The following PRICKLE2 variants were observed in gnomAD, a reference collection of about 807,000 sequenced individuals.
PRICKLE2 encodes prickle-like protein 2.
PRICKLE2 carries 21 observed loss-of-function variants against 81.4 expected under a neutral mutation model. That is an observed-to-expected ratio of 0.26 (90% CI 0.18 to 0.37). The LOEUF (loss-of-function observed/expected upper bound fraction) is 0.37, where lower values mean the gene tolerates loss of function less well. Ranked by LOEUF, PRICKLE2 falls within the 10% of genes least tolerant of loss-of-function variation. The probability of loss-of-function intolerance (pLI) is 1.00; values close to 1 mark genes in which losing one functional copy is unlikely to be tolerated. For missense variants in PRICKLE2, 940 were observed against 1,109.0 expected (o/e 0.85, Z 2.16); for synonymous variants, 456 against 421.5 (o/e 1.08, Z -1.00).
Position 64,176,878 on chromosome 3 carries a change from C to T in PRICKLE2, c.145-13749G>A, listed in dbSNP as rs543618036. ...GAATTCAGTCTTTCCAGTTCCAAAA[C>T]GCCAAAAGATCAGTGAAGGTAATAT... On this transcript the variant is annotated intron_variant, in intron 2 of 7. Transcript: ENST00000638394. 2.0e-4 allele frequency among the ~76,000 whole-genome samples: 31 copies of T among 152,218 alleles called. No individual in the cohort carries two copies. The South Asian group carries it at 4.1e-3, about 20-fold the overall frequency.
At chr3:64,193,020 C>T (rs933810007) in intron 2 of PRICKLE2, among the ~76,000 whole-genome samples, 1 of 152,174 alleles carries the variant, frequency 6.6e-6, no homozygotes, top group African/African-American at 2.4e-5. Context: ...ACCCACAAGA[C>T]ATACCAGTTA....
chr3:64,105,925 A>G (rs76398904), intron 7 of PRICKLE2: 6 of 152,226 alleles, frequency 3.9e-5, no homozygotes, highest in African/African-American at 1.4e-4. Context: ...TGATGATTAG[A>G]TGAGGAAAAA....
At chr3:64,212,621 C>G (rs558280126) in intron 1 of PRICKLE2, among the ~76,000 whole-genome samples, 1 of 152,164 alleles carries the variant, frequency 6.6e-6, no homozygotes, top group Non-Finnish European at 1.5e-5. Context: ...TACTTAAAGG[C>G]AGTATACCAC....
intron 7 of PRICKLE2, among the ~76,000 whole-genome samples, chr3:64,103,850 C>T (rs1478003794): frequency 6.6e-6 from 1 of 151,906 alleles, no homozygotes; most frequent in East Asian, 1.9e-4. Context: ...CATGGTGGTG[C>T]GTGCCTGTAG....
At chr3:64,107,946 G>A (rs2076781839) in intron 7 of PRICKLE2, among the ~76,000 whole-genome samples, 3 of 152,146 alleles carry the variant, frequency 2.0e-5, no homozygotes, top group Non-Finnish European at 4.4e-5. Context: ...TTTCCTATAT[G>A]ATTTTTATTT....
At chr3:64,248,669 A>G (rs528787661) in intron 2 of PRICKLE2, among the ~76,000 whole-genome samples, 1 of 151,872 alleles carries the variant, frequency 6.6e-6, no homozygotes, top group Non-Finnish European at 1.5e-5. Context: ...AAAAAAACAA[A>G]ACAAAAAAAC....
At chr3:64,103,709 G>T (rs1049029531) in intron 7 of PRICKLE2, among the ~76,000 whole-genome samples, 4 of 152,350 alleles carry the variant, frequency 2.6e-5, no homozygotes, top group South Asian at 4.1e-4. Flanking sequence ...GCCAGGTGTG[G>T]TGGCTCATGC....
intron 7 of PRICKLE2, among the ~76,000 whole-genome samples, chr3:64,109,500 AG>A (rs2076809479): frequency 6.6e-6 from 1 of 151,774 alleles, no homozygotes; most frequent in Admixed American, 6.6e-5. Flanking sequence ...TGGTGCTACC[AG>A]GATCAGTGCT....
intron 2 of PRICKLE2, among the ~76,000 whole-genome samples, chr3:64,236,737 C>T (rs531168929): frequency 6.6e-6 from 1 of 152,336 alleles, no homozygotes; most frequent in Non-Finnish European, 1.5e-5. Context: ...ATGGCTCTTG[C>T]TGTCTGTGTG....
At chr3:64,173,628 G>T (rs1176824676) in intron 2 of PRICKLE2, among the ~76,000 whole-genome samples, 1 of 152,138 alleles carries the variant, frequency 6.6e-6, no homozygotes, top group Non-Finnish European at 1.5e-5. Context: ...AGTATCCTTG[G>T]CAAATTCTCT....
chr3:64,165,998 G>GTT (rs2077825684), intron 2 of PRICKLE2, among the ~76,000 whole-genome samples: 2 of 35,494 alleles, frequency 5.6e-5, no homozygotes, highest in African/African-American at 1.6e-4. Flanking sequence ...GTGTGTGTGT[G>GTT]TGTGTGTGTG....
chr3:64,222,644 C>A (rs2078973827), intron 1 of PRICKLE2, among the ~76,000 whole-genome samples: 1 of 152,134 alleles, frequency 6.6e-6, no homozygotes, highest in Non-Finnish European at 1.5e-5. Context: ...AGCAGCCAAC[C>A]CATAAGCTGA....
intron 2 of PRICKLE2, among the ~76,000 whole-genome samples, chr3:64,242,433 T>C (rs2079280379): frequency 6.6e-6 from 1 of 152,216 alleles, no homozygotes; most frequent in Admixed American, 6.5e-5. Flanking sequence ...CCACCCTGTC[T>C]ACCCTAGAAA....
chr3:64,233,018 T>C (rs887754454), intron 2 of PRICKLE2, among the ~76,000 whole-genome samples: 1 of 152,208 alleles, frequency 6.6e-6, no homozygotes, highest in African/African-American at 2.4e-5. Context: ...GCATTCATGA[T>C]ACAATGGCAG....
Position 64,159,937 on chromosome 3 carries a change from T to G in PRICKLE2, c.396+3A>C. 6.2e-7 allele frequency: 1 copy of G among 1,614,080 alleles called. No individual in the cohort carries two copies. The highest frequency in any genetic ancestry group is 8.5e-7 in the Non-Finnish European group (1 of 1,179,992). On this transcript the variant is annotated splice_donor_region_variant and intron_variant, in intron 4 of 7. Coordinates refer to ENST00000638394, the MANE Select transcript of PRICKLE2 (RefSeq NM_198859.4). ...CTCTTCACTCCCCTGAATCCATGCT[T>G]ACCTGTTCACAAATAGCTCCTGTCA... is the stretch of plus-strand genomic sequence containing the variant.
In PRICKLE2 at chr3:64,107,034, G is replaced by A. The variant is rs568952102; in HGVS notation, c.1661-7109C>T. On this transcript the variant is annotated intron_variant, in intron 7 of 7. Transcript: ENST00000638394. ...GCAGGCTTTATGAGAGGTGCTCAGG[G>A]TGATGATAGAGTTAAACGCAGTGAT... Among the ~76,000 whole-genome samples, 19 of 152,346 alleles carry A rather than the reference G, an allele frequency of 1.2e-4. No individual in the cohort carries two copies. The South Asian group carries it at 2.7e-3, about 22-fold the overall frequency.
intron 2 of PRICKLE2, among the ~76,000 whole-genome samples, chr3:64,177,851 A>G (rs1191742921): frequency 6.6e-6 from 1 of 152,154 alleles, no homozygotes; most frequent in Non-Finnish European, 1.5e-5. Flanking sequence ...ACTGTGGATA[A>G]TGCTTCAGTG....
intron 2 of PRICKLE2, among the ~76,000 whole-genome samples, chr3:64,170,717 A>C (rs1312019542): frequency 4.8e-5 from 7 of 147,348 alleles, no homozygotes; most frequent in African/African-American, 1.0e-4. Flanking sequence ...AAAAAAAAAA[A>C]AAAAAAAACA....
chr3:64,127,488 C>T (rs1227505197), intron 7 of PRICKLE2, among the ~76,000 whole-genome samples: 2 of 152,204 alleles, frequency 1.3e-5, no homozygotes, highest in Non-Finnish European at 2.9e-5. Flanking sequence ...ATCTGACTCT[C>T]ATGAACCCCC....
Sources: allele counts gnomAD v4.1 joint callset (sites outside exome capture counted in the v4.1 genomes callset), GRCh38; gene constraint gnomAD v4.1.1; transcripts MANE v1.5; gene names NCBI Gene and HGNC (gene_info 2026-07-23, HGNC 2026-07-21).